Variants in NUDCD1 observed in about 807,000 individuals in gnomAD.
NUDCD1 encodes nudC domain-containing protein 1.
In NUDCD1, 60 loss-of-function variants were observed where a neutral mutation model predicts 67.8. The observed-to-expected ratio is 0.88, with a 90% confidence interval of 0.72 to 1.10. The LOEUF (loss-of-function observed/expected upper bound fraction) is 1.10. NUDCD1 is among the 50% of genes least tolerant of loss of function. NUDCD1 has a pLI of 0.00. For synonymous variants in NUDCD1, 244 were observed against 230.8 expected (o/e 1.06, Z -0.52); for missense variants, 643 against 695.0 (o/e 0.93, Z 0.84).
At chr8:109,283,306 T>C (rs1814499720) in intron 5 of NUDCD1, among the ~76,000 whole-genome samples, 1 of 152,012 alleles carries the variant, frequency 6.6e-6, no homozygotes, top group Admixed American at 6.6e-5. Flanking sequence ...TCATGTAAAG[T>C]AACCAACCCT....
Position 109,281,018 on chromosome 8 carries a change from A to T in NUDCD1, c.978T>A (p.Tyr326Ter). The change falls in exon 6 of 10, where the codon TAT becomes TAA. Residue 326 changes from tyrosine to a stop codon, truncating the protein, a stop_gained. Transcript: ENST00000239690. LOFTEE classifies it high-confidence loss of function. ...TACTGCTTTCATGATCAATAGATGAATAGAGTTTTCCTTCTAAAAACTGGT... is the reference window on the plus strand; with the variant it reads ...TACTGCTTTCATGATCAATAGATGATTAGAGTTTTCCTTCTAAAAACTGGT... ...KDHQFLEGKL[Y>*]SSIDHESSTW... 1 of 1,610,538 alleles carries T rather than the reference A, an allele frequency of 6.2e-7. No homozygotes were observed. Among genetic ancestry groups the T allele is most frequent in the Non-Finnish European group, 8.5e-7 (1 of 1,176,962 alleles).
At chr8:109,319,616 G>C (rs1437698361) in intron 2 of NUDCD1, among the ~76,000 whole-genome samples, 2 of 152,200 alleles carry the variant, frequency 1.3e-5, no homozygotes, top group African/African-American at 4.8e-5. Flanking sequence ...GCTCCAGGTA[G>C]TTAATCAATG....
At chr8:109,321,341 T>C (rs1019020288) in intron 2 of NUDCD1, among the ~76,000 whole-genome samples, 12 of 152,194 alleles carry the variant, frequency 7.9e-5, no homozygotes, top group African/African-American at 2.9e-4. Flanking sequence ...AAAGGAATTA[T>C]ATTGTTGTAA....
At chr8:109,307,081 G>A (rs564416290) in intron 2 of NUDCD1, among the ~76,000 whole-genome samples, 6 of 152,240 alleles carry the variant, frequency 3.9e-5, no homozygotes, top group East Asian at 3.9e-4. Flanking sequence ...CCTGTGACCT[G>A]CATGTATACA....
At chr8:109,309,961 T>C (rs188758207) in intron 2 of NUDCD1, among the ~76,000 whole-genome samples, 105 of 151,782 alleles carry the variant, frequency 6.9e-4, no homozygotes, top group Admixed American at 7.2e-4. Flanking sequence ...CTACACAACA[T>C]TGCTGACAGA....
chr8:109,287,071 A>T (rs1448554465), intron 5 of NUDCD1, among the ~76,000 whole-genome samples: 1 of 152,194 alleles, frequency 6.6e-6, no homozygotes, highest in Non-Finnish European at 1.5e-5. Flanking sequence ...CTTGCAAATC[A>T]AAACTACAAG....
intron 8 of NUDCD1, among the ~76,000 whole-genome samples, chr8:109,256,666 T>C (rs1243120352): frequency 6.6e-6 from 1 of 152,180 alleles, no homozygotes; most frequent in African/African-American, 2.4e-5. Flanking sequence ...AAATGAAAGA[T>C]AACTTTAGAT....
intron 2 of NUDCD1, among the ~76,000 whole-genome samples, chr8:109,302,241 T>C (rs1028555241): frequency 3.3e-5 from 5 of 152,206 alleles, no homozygotes; most frequent in African/African-American, 1.2e-4. Context: ...AACAGCACTT[T>C]TGATTCCTCC....
chr8:109,309,979 G>A (rs931874562), intron 2 of NUDCD1, among the ~76,000 whole-genome samples: 3 of 151,922 alleles, frequency 2.0e-5, no homozygotes, highest in Non-Finnish European at 2.9e-5. Context: ...AGAAATCACA[G>A]ATTACACAAA....
chr8:109,313,318 G>T (rs529500319), intron 2 of NUDCD1, among the ~76,000 whole-genome samples: 1 of 152,068 alleles, frequency 6.6e-6, no homozygotes, highest in South Asian at 2.1e-4. Flanking sequence ...ATACTAAGGC[G>T]GATTAATAAT....
At chr8:109,292,328 A>G (rs753770198) in intron 4 of NUDCD1, among the ~76,000 whole-genome samples, 1 of 152,122 alleles carries the variant, frequency 6.6e-6, no homozygotes, top group Non-Finnish European at 1.5e-5. Context: ...AGATAAAACT[A>G]CAACACCAAA....
At chr8:109,309,891 A>C (rs1274366617) in intron 2 of NUDCD1, among the ~76,000 whole-genome samples, 1 of 151,780 alleles carries the variant, frequency 6.6e-6, no homozygotes, top group Non-Finnish European at 1.5e-5. Context: ...ACAAACAAAC[A>C]AAAAAAACCA....
chr8:109,274,454 A>AT (rs1418858357), intron 7 of NUDCD1, among the ~76,000 whole-genome samples: 1 of 152,174 alleles, frequency 6.6e-6, no homozygotes, highest in Non-Finnish European at 1.5e-5. Context: ...TACTTGCTGA[A>AT]TGAGCGAATA....
chr8:109,259,860 A>G (rs905214484), intron 8 of NUDCD1, among the ~76,000 whole-genome samples: 4 of 152,202 alleles, frequency 2.6e-5, no homozygotes, highest in Non-Finnish European at 4.4e-5. Context: ...ACCTTATTTA[A>G]TAAGTTTCTT....
At chr8:109,332,896 C>A (rs1001572425) in intron 1 of NUDCD1, among the ~76,000 whole-genome samples, 2 of 152,204 alleles carry the variant, frequency 1.3e-5, no homozygotes, top group Middle Eastern at 3.2e-3. Context: ...TTCCCAGATC[C>A]CCAGACTAGT....
intron 6 of NUDCD1, among the ~76,000 whole-genome samples, chr8:109,280,619 G>C (rs1372010477): frequency 6.6e-6 from 1 of 151,984 alleles, no homozygotes; most frequent in African/African-American, 2.4e-5. Flanking sequence ...TTAAAGAATG[G>C]AAATATATTA....
At chr8:109,245,686 G>A (rs774596345) in intron 8 of NUDCD1, among the ~76,000 whole-genome samples, 13 of 152,152 alleles carry the variant, frequency 8.5e-5, no homozygotes, top group Non-Finnish European at 1.3e-4. Context: ...TGATGCACAA[G>A]GCATTTAGGT....
At chr8:109,281,940 C>T (rs983375005) in intron 5 of NUDCD1, among the ~76,000 whole-genome samples, 2 of 152,206 alleles carry the variant, frequency 1.3e-5, no homozygotes, top group Middle Eastern at 3.2e-3. Flanking sequence ...GCCCTCCCTG[C>T]TCCATGCCTA....
At chr8:109,280,890 G>C in intron 6 of NUDCD1, 78 bp downstream of exon 6, 1 of 650,330 alleles carries the variant, frequency 1.5e-6, no homozygotes, top group East Asian at 2.8e-5. Flanking sequence ...ATTAATCTCT[G>C]ATGTAACCAC....
Sources: allele counts gnomAD v4.1 joint callset (sites outside exome capture counted in the v4.1 genomes callset), GRCh38; gene constraint gnomAD v4.1.1; transcripts MANE v1.5; gene names NCBI Gene and HGNC (gene_info 2026-07-23, HGNC 2026-07-21).